The following DHX30 variants were observed in gnomAD, a reference collection of about 807,000 sequenced individuals.
The protein encoded by DHX30 is ATP-dependent RNA helicase DHX30.
DHX30 carries 4 observed loss-of-function variants against 116.9 expected under a neutral mutation model. The observed-to-expected ratio is 0.03, with a 90% CI of 0.02 to 0.08. DHX30 has a LOEUF of 0.08. Among genes scored for constraint, DHX30 ranks in the 10% least tolerant of loss-of-function variants. The pLI, the probability that DHX30 is intolerant of heterozygous loss-of-function variation, is 1.00. For missense variants in DHX30, 871 were observed against 1,595.1 expected, an observed-to-expected ratio of 0.55 and a Z score of 7.73; for synonymous variants, 697 against 651.7, an observed-to-expected ratio of 1.07 and a Z score of -1.06.
In DHX30 at chr3:47,846,305, A is replaced by G. The variant is rs377684722; in HGVS notation, c.1233A>G (p.Val411=). ...PYVPLLEAEE[V]RLSQSLLELW... is the part of the protein sequence containing the mutation. ...TGCCCCTGTTGGAAGCAGAGGAGGT[A>G]CGTCTCAGCCAGAGTCTGCTAGAAC... is the stretch of plus-strand genomic sequence containing the variant. Residue 411 remains valine (V), a synonymous_variant, in exon 11 of 22, where the codon GTA becomes GTG. Coordinates refer to ENST00000445061, the MANE Select transcript of DHX30 (RefSeq NM_138615.3). The G allele has an allele frequency of 2.5e-6, 4 of 1,614,070 alleles. No homozygotes were observed. The highest frequency in any genetic ancestry group is 3.4e-6 in the Non-Finnish European group (4 of 1,180,038).
chr3:47,819,090 A>T, intron 4 of DHX30: 1 of 590,268 alleles, frequency 1.7e-6, no homozygotes, highest in Non-Finnish European at 2.8e-6. Flanking sequence ...GGCCCTGACT[A>T]CTGACAGCAG....
At chr3:47,815,724 A>C (rs2036019410) in intron 3 of DHX30, among the ~76,000 whole-genome samples, 2 of 18,764 alleles carry the variant, frequency 1.1e-4, no homozygotes, top group Admixed American at 6.0e-4. Context: ...AAAAAAGAGC[A>C]AAAAAAAAAA....
intron 2 of DHX30, among the ~76,000 whole-genome samples, chr3:47,809,180 A>G (rs2035670805): frequency 6.7e-6 from 1 of 150,370 alleles, no homozygotes; most frequent in African/African-American, 2.4e-5. Context: ...TAGAATGTCA[A>G]ATTACACACT....
At chr3:47,834,627 ACCTG>A (rs2037022058) in intron 6 of DHX30, among the ~76,000 whole-genome samples, 1 of 151,452 alleles carries the variant, frequency 6.6e-6, no homozygotes, top group African/African-American at 2.4e-5. Context: ...GCGCCACCAC[ACCTG>A]GCTAATTTTG....
chr3:47,803,622 T>A (rs2035393366), intron 1 of DHX30, among the ~76,000 whole-genome samples: 1 of 152,110 alleles, frequency 6.6e-6, no homozygotes, highest in Non-Finnish European at 1.5e-5. Flanking sequence ...CTACTTCTCC[T>A]CCTTCCCGGT....
At chr3:47,803,600 C>T (rs982252157) in intron 1 of DHX30, among the ~76,000 whole-genome samples, 1 of 152,184 alleles carries the variant, frequency 6.6e-6, no homozygotes, top group African/African-American at 2.4e-5. Context: ...CTGAGTGCCC[C>T]GAGACCTTTG....
In DHX30 at chr3:47,846,915, A is replaced by G; in HGVS notation, c.1843A>G (p.Met615Val). 11 of 1,613,532 alleles carry G rather than the reference A, an allele frequency of 6.8e-6. No homozygotes were observed. The highest frequency in any genetic ancestry group is 9.3e-6 in the Non-Finnish European group (11 of 1,180,014). The change falls in exon 11 of 22, where the codon ATG (methionine) becomes GTG (valine). Residue 615 changes from methionine to valine, a missense_variant. Transcript: ENST00000445061. Reference protein sequence around the residue: ...GCPVIKVPGFMYPVKEHYLED... With the variant: ...GCPVIKVPGFVYPVKEHYLED... Reference sequence around the variant, plus strand: ...CCCCGTCATCAAGGTGCCTGGCTTCATGTACCCAGTCAAGGAGCACTACCT... The same window carrying G: ...CCCCGTCATCAAGGTGCCTGGCTTCGTGTACCCAGTCAAGGAGCACTACCT...
chr3:47,806,420 G>A (rs1421138431), intron 2 of DHX30, among the ~76,000 whole-genome samples: 2 of 151,118 alleles, frequency 1.3e-5, no homozygotes, highest in African/African-American at 2.4e-5. Flanking sequence ...GGGATTACAG[G>A]TGTGAGCCAC....
intron 4 of DHX30, chr3:47,826,193 A>C (rs942918292): frequency 6.6e-6 from 1 of 152,160 alleles, no homozygotes; most frequent in African/African-American, 2.4e-5. Context: ...GAGCTGCCAG[A>C]GGCTAGAGTG....
chr3:47,818,104 G>C lies in DHX30; in HGVS notation c.111G>C (p.Gly37=), dbSNP rs1264989424. 3 of 780,790 alleles carry C rather than the reference G, an allele frequency of 3.8e-6. No individual in the cohort carries two copies. Among genetic ancestry groups the C allele is most frequent in the Non-Finnish European group, 4.8e-6 (2 of 418,044 alleles). The allele number at this position is 780,790 out of a possible 1,614,324, so 48.4% of individuals were successfully genotyped here. A position where few individuals can be genotyped will look rare whatever the true frequency, so the allele number is the denominator to read the frequency against. Residue 37 remains glycine (G), a synonymous_variant, in exon 4 of 22, where the codon GGG becomes GGC. Transcript: ENST00000445061. ...TGTGTGTCAACCCTACCCCAGGAGG[G>C]ACCATCTCTCGAGGTAAGGGAGGAG... is the stretch of plus-strand genomic sequence containing the variant. ...PPMCVNPTPG[G]TISRASRDLL... is the part of the protein sequence containing the mutation.
In DHX30 at chr3:47,847,185, GCT is replaced by G. The variant is rs2037650277; in HGVS notation, c.1930-86_1930-85del. ...TGAGGATTGGAGTTGATGTCAAGCG[GCT>G]CCGTCTCACTGAGTCAGGTGGCTGT... On this transcript the variant is annotated intron_variant, in intron 11 of 21. Coordinates refer to ENST00000445061, the MANE Select transcript of DHX30 (RefSeq NM_138615.3). The surrounding 1 kb of genome is among the most constrained non-coding windows in gnomAD (Gnocchi z 5.5). 6.4e-7 allele frequency: 1 copy of G among 1,555,264 alleles called. No individual in the cohort carries two copies. The highest frequency in any genetic ancestry group is 8.9e-7 in the Non-Finnish European group (1 of 1,128,306).
chr3:47,843,857 C>T (rs2037486269), intron 9 of DHX30, among the ~76,000 whole-genome samples: 2 of 152,316 alleles, frequency 1.3e-5, no homozygotes, highest in African/African-American at 4.8e-5. Context: ...CACCACCACT[C>T]CCAGCTTATT....
At chr3:47,819,133 T>C (rs1211558452) in intron 4 of DHX30, 1 of 1,015,044 alleles carries the variant, frequency 9.9e-7, no homozygotes, top group African/African-American at 1.6e-5. Flanking sequence ...CCCCTGACCA[T>C]TTGACTTAGG....
chr3:47,809,831 G>C (rs894223879), intron 2 of DHX30, among the ~76,000 whole-genome samples: 1 of 152,164 alleles, frequency 6.6e-6, no homozygotes, highest in Admixed American at 6.6e-5. Context: ...ACACTGTGTA[G>C]ATGTTTTTAA....
At chr3:47,836,607 G>A (rs1407731226) in intron 6 of DHX30, among the ~76,000 whole-genome samples, 2 of 149,776 alleles carry the variant, frequency 1.3e-5, no homozygotes, top group Admixed American at 6.7e-5. Flanking sequence ...CAACGTTCAC[G>A]TCCTGGGTTT....
chr3:47,812,129 T>A (rs2035821073), intron 3 of DHX30, among the ~76,000 whole-genome samples: 1 of 149,420 alleles, frequency 6.7e-6, no homozygotes, highest in Non-Finnish European at 1.5e-5. Context: ...CTTGGGAGGC[T>A]GAGGCAGGAG....
intron 20 of DHX30, 22 bp from the exon 21 acceptor site, chr3:47,849,608 T>C (rs1472927902): frequency 6.2e-7 from 1 of 1,614,146 alleles, no homozygotes; most frequent in Non-Finnish European, 8.5e-7. Flanking sequence ...AAGGGTGGCC[T>C]CACCAGCCCT....
chr3:47,806,623 T>G (rs1225511112), intron 2 of DHX30, among the ~76,000 whole-genome samples: 1 of 151,862 alleles, frequency 6.6e-6, no homozygotes, highest in East Asian at 1.9e-4. Flanking sequence ...TTTTTTGTAT[T>G]TTTAGTGAAG....
chr3:47,823,132 T>A (rs1322967130), intron 4 of DHX30, among the ~76,000 whole-genome samples: 1 of 146,548 alleles, frequency 6.8e-6, no homozygotes, highest in African/African-American at 2.5e-5. Context: ...AAGAAAGGGG[T>A]TTCCCCTTAT....
Sources: gnomAD v4.1 joint callset for allele counts (sites outside exome capture counted in the v4.1 genomes callset) on GRCh38, gnomAD v4.1.1 for gene constraint, Gnocchi (gnomAD v3.1) non-coding constraint, MANE v1.5 for transcripts, NCBI Gene and HGNC (gene_info 2026-07-23, HGNC 2026-07-21) for gene names.